The following SLIT2 variants were observed in gnomAD, a reference collection of about 807,000 sequenced individuals.
SLIT2 encodes slit guidance ligand 2.
In SLIT2, 41 loss-of-function variants were observed where a neutral mutation model predicts 185.7. The observed-to-expected ratio is 0.22, with a 90% CI of 0.17 to 0.29. The LOEUF (loss-of-function observed/expected upper bound fraction) is 0.29, where lower values mean the gene tolerates loss of function less well. Among genes scored for constraint, SLIT2 ranks in the 10% least tolerant of loss-of-function variants. The pLI is 1.00. For synonymous variants in SLIT2, 693 were observed against 680.2 expected, an observed-to-expected ratio of 1.02 and a Z score of -0.29; for missense variants, 1,571 against 1,909.0, an observed-to-expected ratio of 0.82 and a Z score of 3.30.
At chr4:20,509,220 C>T (rs956540355) in intron 9 of SLIT2, among the ~76,000 whole-genome samples, 14 of 151,702 alleles carry the variant, frequency 9.2e-5, no homozygotes, top group Admixed American at 6.6e-5. Flanking sequence ...AAGTGGAGCT[C>T]ATGCCAGTTG....
chr4:20,578,674 A>G (rs1489014600), intron 29 of SLIT2, among the ~76,000 whole-genome samples: 2 of 152,198 alleles, frequency 1.3e-5, no homozygotes, highest in Admixed American at 6.5e-5. Context: ...AGCAGAAGGT[A>G]GCAACAGTAG....
chr4:20,590,490 C>T (rs1257252997), intron 30 of SLIT2, among the ~76,000 whole-genome samples: 2 of 152,222 alleles, frequency 1.3e-5, no homozygotes, highest in East Asian at 1.9e-4. Context: ...GACCATATAT[C>T]TCAGGCTGCC....
chr4:20,590,380 A>G (rs1451659445), intron 30 of SLIT2, among the ~76,000 whole-genome samples: 2 of 152,176 alleles, frequency 1.3e-5, no homozygotes, highest in Non-Finnish European at 2.9e-5. Context: ...CATTGTCTGA[A>G]GGTAAGTCTG....
At chr4:20,367,155 A>G (rs1723181849) in intron 4 of SLIT2, among the ~76,000 whole-genome samples, 1 of 152,168 alleles carries the variant, frequency 6.6e-6, no homozygotes, top group Non-Finnish European at 1.5e-5. Flanking sequence ...AAATTACAAA[A>G]ATAAGGAAAT....
chr4:20,418,224 G>C (rs1030728196), intron 4 of SLIT2, among the ~76,000 whole-genome samples: 2 of 152,160 alleles, frequency 1.3e-5, no homozygotes, highest in African/African-American at 4.8e-5. Context: ...GCTGTTGTTA[G>C]TTTTAATTCT....
intron 34 of SLIT2, 197 bp from the exon 35 acceptor site, chr4:20,616,713 C>T: frequency 8.5e-6 from 4 of 472,420 alleles, no homozygotes; most frequent in Non-Finnish European, 1.5e-5. Context: ...TTAGAATTTC[C>T]TGGAGCATCT....
intron 25 of SLIT2, chr4:20,552,545 T>G (rs1723862903): frequency 6.6e-6 from 1 of 152,266 alleles, no homozygotes; most frequent in African/African-American, 2.4e-5. Context: ...CATCAAGGAC[T>G]TAAATGTTGA....
intron 29 of SLIT2, among the ~76,000 whole-genome samples, chr4:20,572,786 C>T (rs1013919655): frequency 2.6e-5 from 4 of 152,164 alleles, no homozygotes; most frequent in Admixed American, 2.6e-4. Flanking sequence ...ATTTTAAGCC[C>T]TTCTTTCACT....
intron 26 of SLIT2, among the ~76,000 whole-genome samples, chr4:20,564,354 A>G (rs1724925891): frequency 6.6e-6 from 1 of 150,994 alleles, no homozygotes; most frequent in African/African-American, 2.5e-5. Context: ...AAGTGGATTT[A>G]GATAAACCAG....
chr4:20,319,626 A>G (rs1177073283), intron 4 of SLIT2, among the ~76,000 whole-genome samples: 1 of 152,128 alleles, frequency 6.6e-6, no homozygotes, highest in Non-Finnish European at 1.5e-5. Flanking sequence ...ACAAGGGTCA[A>G]GATCACATTT....
chr4:20,359,262 A>G (rs1181636678), intron 4 of SLIT2, among the ~76,000 whole-genome samples: 1 of 152,112 alleles, frequency 6.6e-6, no homozygotes, highest in Non-Finnish European at 1.5e-5. Context: ...GGAGGAAAGG[A>G]ACTTAAGTTG....
chr4:20,349,429 G>T (rs1721690085), intron 4 of SLIT2, among the ~76,000 whole-genome samples: 1 of 152,094 alleles, frequency 6.6e-6, no homozygotes, highest in Admixed American at 6.6e-5. Flanking sequence ...CTCACTTCCT[G>T]TTCTGCATGG....
At chr4:20,419,331 CAT>C (rs1369489542) in intron 4 of SLIT2, among the ~76,000 whole-genome samples, 6 of 152,120 alleles carry the variant, frequency 3.9e-5, no homozygotes, top group Non-Finnish European at 8.8e-5. Context: ...CATGTACACA[CAT>C]ATGTGTATGT....
intron 4 of SLIT2, among the ~76,000 whole-genome samples, chr4:20,322,385 G>A (rs1719171599): frequency 6.6e-6 from 1 of 152,064 alleles, no homozygotes; most frequent in African/African-American, 2.4e-5. Context: ...AAGTAGAAGA[G>A]GGACAACTCG....
Position 20,283,111 on chromosome 4 carries a change from T to TGCGCGC in SLIT2, c.395+14235_395+14240dup, listed in dbSNP as rs1238465824. Reference sequence around the variant, plus strand: ...TGTGTGTGTTGCCTGTGTGCCTGTGTGCGCGCGCGCACACACACACACACA... The same window carrying TGCGCGC: ...TGTGTGTGTTGCCTGTGTGCCTGTGTGCGCGCGCGCGCGCGCACACACACACACACA... On this transcript the variant is annotated intron_variant, in intron 4 of 36. Transcript: ENST00000504154. 3.3e-4 allele frequency among the ~76,000 whole-genome samples: 48 copies of TGCGCGC among 143,718 alleles called. No individual in the cohort carries two copies. In the East Asian group the frequency reaches 5.3e-3, roughly 16 times the overall value. 94.3% of individuals were successfully genotyped at this position (143,718 alleles called of 152,430 possible).
At chr4:20,345,924 A>G (rs1577473151) in intron 4 of SLIT2, among the ~76,000 whole-genome samples, 2 of 152,084 alleles carry the variant, frequency 1.3e-5, no homozygotes, top group African/African-American at 4.8e-5. Flanking sequence ...TTGAAGCAAG[A>G]TATCTGTAGA....
intron 4 of SLIT2, among the ~76,000 whole-genome samples, chr4:20,291,478 ATATATATATATATATTTTTTTTTTT>A (rs1158978929): frequency 3.1e-4 from 5 of 15,960 alleles, no homozygotes; most frequent in African/African-American, 1.4e-3. Context: ...ATATATATAT[ATATATATATATATATTTTTTTTTTT>A]TTTTTTTTTT....
Position 20,542,524 on chromosome 4 carries a change from C to T in SLIT2, c.2174C>T (p.Ser725Phe). Residue 725 changes from serine (S) to phenylalanine (F), a missense_variant, in exon 21 of 37, where the codon TCT becomes TTT. Ser to Phe is a radical substitution (Grantham distance 155, BLOSUM62 -2). Transcript: ENST00000504154. Reference protein sequence around the residue: ...GNDDNSCSPLSRCPTECTCLD... With the variant: ...GNDDNSCSPLFRCPTECTCLD... ...GATGACAATAGTTGCTCCCCACTTT[C>T]TCGCTGTCCTACTGAATGTACTTGC... 2 of 1,613,724 alleles carry T rather than the reference C, an allele frequency of 1.2e-6. No homozygotes were observed. The highest frequency in any genetic ancestry group is 1.7e-6 in the Non-Finnish European group (2 of 1,179,750).
chr4:20,411,099 G>A (rs1727222904), intron 4 of SLIT2, among the ~76,000 whole-genome samples: 1 of 152,112 alleles, frequency 6.6e-6, no homozygotes, highest in Non-Finnish European at 1.5e-5. Context: ...TTGAGCAGTG[G>A]TTTGTAGTTC....
Sources: gnomAD v4.1 joint callset for allele counts (sites outside exome capture counted in the v4.1 genomes callset) on GRCh38, gnomAD v4.1.1 for gene constraint, MANE v1.5 for transcripts, NCBI Gene and HGNC (gene_info 2026-07-23, HGNC 2026-07-21) for gene names.